The following ATP2B2 variants were observed in gnomAD, a reference collection of about 807,000 sequenced individuals.
ATP2B2 encodes ATPase plasma membrane Ca2+ transporting 2, also known as plasma membrane calcium-transporting ATPase 2.
In ATP2B2, 15 loss-of-function variants were observed where a neutral mutation model predicts 120.0. That is an observed-to-expected ratio of 0.12 (90% confidence interval 0.08 to 0.19). The LOEUF (loss-of-function observed/expected upper bound fraction) is 0.19, where lower values mean the gene tolerates loss of function less well. Among genes scored for constraint, ATP2B2 ranks in the 10% least tolerant of loss-of-function variants. The pLI, the probability that ATP2B2 is intolerant of heterozygous loss-of-function variation, is 1.00. For missense variants in ATP2B2, 1,045 were observed against 1,719.8 expected, an observed-to-expected ratio of 0.61 and a Z score of 6.94; for synonymous variants, 694 against 700.3, an observed-to-expected ratio of 0.99 and a Z score of 0.14.
At chr3:10,650,284 T>A (rs1473854694) in intron 1 of ATP2B2, among the ~76,000 whole-genome samples, 1 of 152,248 alleles carries the variant, frequency 6.6e-6, no homozygotes, top group Non-Finnish European at 1.5e-5. Context: ...ACTCTTGTTA[T>A]GTTTTAGCAA....
intron 1 of ATP2B2, among the ~76,000 whole-genome samples, chr3:10,651,748 G>A (rs201839688): frequency 1.2e-5 from 1 of 83,552 alleles, no homozygotes; most frequent in Non-Finnish European, 1.9e-5. Flanking sequence ...TGTATGAATG[G>A]ATGGATGGAT....
chr3:10,627,052 T>A lies in ATP2B2; in HGVS notation c.-459-7091A>T, dbSNP rs111878533. Among the ~76,000 whole-genome samples, 45 of 152,324 alleles carry A rather than the reference T, an allele frequency of 3.0e-4. 1 individual carries two copies. The highest frequency in any genetic ancestry group is 1.1e-3 in the African/African-American group (44 of 41,558). On this transcript the variant is annotated intron_variant, in intron 1 of 21. Coordinates refer to the ATP2B2 transcript ENST00000646379. ...GTTGTCTCCCTTCTCTGGGCCTCCATTTCCCCATGTGTAAAACAAGAGTGG... is the reference window on the plus strand; with the variant it reads ...GTTGTCTCCCTTCTCTGGGCCTCCAATTCCCCATGTGTAAAACAAGAGTGG...
chr3:10,395,054 G>A (rs963243128), intron 5 of ATP2B2, among the ~76,000 whole-genome samples: 8 of 152,208 alleles, frequency 5.3e-5, no homozygotes, highest in African/African-American at 1.4e-4. Flanking sequence ...CTGGGTCTCA[G>A]TTTCCCCAGC....
intron 2 of ATP2B2, among the ~76,000 whole-genome samples, chr3:10,609,734 C>G (rs2069178383): frequency 6.6e-6 from 1 of 152,146 alleles, no homozygotes; most frequent in Non-Finnish European, 1.5e-5. Flanking sequence ...TGCAGCAGCC[C>G]TCACTGGTAC....
intron 8 of ATP2B2, among the ~76,000 whole-genome samples, chr3:10,382,709 C>T (rs1419396400): frequency 2.6e-5 from 4 of 152,136 alleles, no homozygotes; most frequent in South Asian, 2.1e-4. Context: ...TCATGTATTA[C>T]ATAGTGACAC....
At chr3:10,603,279 G>A (rs1028640290) in intron 2 of ATP2B2, among the ~76,000 whole-genome samples, 6 of 152,340 alleles carry the variant, frequency 3.9e-5, no homozygotes, top group East Asian at 1.9e-4. Flanking sequence ...CACGGTGCCC[G>A]GTGTGTTTGG....
chr3:10,630,594 C>T (rs1477914809), intron 1 of ATP2B2, among the ~76,000 whole-genome samples: 1 of 152,160 alleles, frequency 6.6e-6, no homozygotes, highest in Non-Finnish European at 1.5e-5. Context: ...TAGGTTGATT[C>T]CATGTCTTTG....
In ATP2B2 at chr3:10,386,374, T is replaced by C. The variant is rs904995046; in HGVS notation, c.940+106A>G. On this transcript the variant is annotated intron_variant, in intron 7 of 22. Coordinates refer to ENST00000360273, the MANE Select transcript of ATP2B2 (RefSeq NM_001001331.4). ...TGGGGGGTGGAGCCACCCACAGGCA[T>C]GTGGCCTCCTCCAGCTGTGTGCTGG... is the stretch of plus-strand genomic sequence containing the variant. 16 of 1,299,930 alleles carry C rather than the reference T, an allele frequency of 1.2e-5. No homozygotes were observed. The East Asian group carries it at 3.5e-4, about 28-fold the overall frequency. The allele number at this position is 1,299,930 out of a possible 1,614,324, so 80.5% of individuals were successfully genotyped here. A position where few individuals can be genotyped will look rare whatever the true frequency, so the allele number is the denominator to read the frequency against.
intron 2 of ATP2B2, among the ~76,000 whole-genome samples, chr3:10,548,458 T>C (rs548221147): frequency 1.3e-5 from 2 of 152,334 alleles, no homozygotes; most frequent in South Asian, 4.2e-4. Flanking sequence ...GGAGTTGGTG[T>C]ATAGATAGTG....
At chr3:10,456,583 A>G (rs1401585991) in intron 1 of ATP2B2, among the ~76,000 whole-genome samples, 1 of 152,234 alleles carries the variant, frequency 6.6e-6, no homozygotes, top group African/African-American at 2.4e-5. Flanking sequence ...TGACTCTCCT[A>G]TGAAAATTTA....
intron 1 of ATP2B2, among the ~76,000 whole-genome samples, chr3:10,698,816 C>T (rs989668154): frequency 6.6e-6 from 1 of 152,206 alleles, no homozygotes; most frequent in Admixed American, 6.5e-5. Flanking sequence ...CCTCTCCAGG[C>T]CTCGCTTTGC....
chr3:10,559,484 T>C (rs1189781591), intron 2 of ATP2B2, among the ~76,000 whole-genome samples: 1 of 152,142 alleles, frequency 6.6e-6, no homozygotes, highest in East Asian at 1.9e-4. Context: ...AATACCACTC[T>C]GTACTCCATA....
chr3:10,628,411 G>T (rs1413371761), intron 1 of ATP2B2, among the ~76,000 whole-genome samples: 1 of 152,248 alleles, frequency 6.6e-6, no homozygotes, highest in African/African-American at 2.4e-5. Flanking sequence ...CCTCCTCCAA[G>T]CTCTGGCGAA....
intron 1 of ATP2B2, among the ~76,000 whole-genome samples, chr3:10,485,994 G>A (rs2065635601): frequency 6.6e-6 from 1 of 152,190 alleles, no homozygotes; most frequent in Non-Finnish European, 1.5e-5. Flanking sequence ...GGGCCGAGGG[G>A]TGGTAAGTGA....
At chr3:10,696,839 T>C (rs1485675250) in intron 1 of ATP2B2, among the ~76,000 whole-genome samples, 1 of 152,160 alleles carries the variant, frequency 6.6e-6, no homozygotes, top group Non-Finnish European at 1.5e-5. Flanking sequence ...GTAACCAAGA[T>C]AGAATAGAAG....
chr3:10,646,124 C>A (rs895533701), intron 1 of ATP2B2, among the ~76,000 whole-genome samples: 1 of 152,124 alleles, frequency 6.6e-6, no homozygotes, highest in South Asian at 2.1e-4. Context: ...GAGTTCTGGC[C>A]GATATCAATG....
At chr3:10,508,577 A>C (rs965309342), upstream of ATP2B2, among the ~76,000 whole-genome samples, 2 of 152,220 alleles carry the variant, frequency 1.3e-5, no homozygotes, top group Non-Finnish European at 2.9e-5. Flanking sequence ...CTCAAGAAAA[A>C]GATCAGGGCT....
intron 1 of ATP2B2, among the ~76,000 whole-genome samples, chr3:10,451,456 C>T (rs2064047448): frequency 6.6e-6 from 1 of 152,200 alleles, no homozygotes; most frequent in African/African-American, 2.4e-5. Context: ...CTGACTACTT[C>T]CCAGTTTACT....
chr3:10,496,091 G>A (rs2066135369), intron 1 of ATP2B2, among the ~76,000 whole-genome samples: 1 of 152,210 alleles, frequency 6.6e-6, no homozygotes, highest in South Asian at 2.1e-4. Context: ...TTGGCTGGGG[G>A]TGGGATGGGG....
Sources: allele counts gnomAD v4.1 joint callset (sites outside exome capture counted in the v4.1 genomes callset), GRCh38; gene constraint gnomAD v4.1.1; transcripts MANE v1.5; gene names NCBI Gene and HGNC (gene_info 2026-07-23, HGNC 2026-07-21).